The following HS3ST2 variants were observed in gnomAD, a reference collection of about 807,000 sequenced individuals.
HS3ST2 encodes heparan sulfate-glucosamine 3-sulfotransferase 2, also known as heparan sulfate glucosamine 3-O-sulfotransferase 2.
HS3ST2 carries 17 observed loss-of-function variants against 26.3 expected under a neutral mutation model. That is an observed-to-expected ratio of 0.65 (90% CI 0.44 to 0.97). HS3ST2 has a LOEUF of 0.97. HS3ST2 is among the 50% of genes least tolerant of loss of function. HS3ST2 has a pLI of 0.00. For synonymous variants in HS3ST2, 237 were observed against 219.2 expected, an observed-to-expected ratio of 1.08 and a Z score of -0.72; for missense variants, 402 against 501.2, an observed-to-expected ratio of 0.80 and a Z score of 1.89.
intron 1 of HS3ST2, among the ~76,000 whole-genome samples, chr16:22,876,417 C>T (rs527721305): frequency 6.6e-6 from 1 of 152,120 alleles, no homozygotes; most frequent in East Asian, 1.9e-4. Context: ...ATTACTTCTG[C>T]AAGAATAGCC....
chr16:22,857,186 C>G (rs371574787), intron 1 of HS3ST2, among the ~76,000 whole-genome samples: 1 of 152,110 alleles, frequency 6.6e-6, no homozygotes, highest in African/African-American at 2.4e-5. Flanking sequence ...TTTATGATTT[C>G]CTGGTGCTGA....
rs141259911 is a variant in HS3ST2 at position 22,849,581 on chromosome 16, C to T, written c.485+34486C>T. 3.6e-3 allele frequency among the ~76,000 whole-genome samples: 555 copies of T among 152,282 alleles called. 6 individuals are homozygous for T. The highest frequency in any genetic ancestry group is 0.013 in the African/African-American group (532 of 41,560). On this transcript the variant is annotated intron_variant, in intron 1 of 1. Coordinates refer to ENST00000261374, the MANE Select transcript of HS3ST2 (RefSeq NM_006043.2). ...CATGTCCAACAAGTATCAATGTGCT[C>T]ACTGTGGCCCCTCAGGGACCCAGTT...
chr16:22,858,048 G>T (rs554018205), intron 1 of HS3ST2, among the ~76,000 whole-genome samples: 83 of 151,826 alleles, frequency 5.5e-4, no homozygotes, highest in Non-Finnish European at 1.0e-3. Flanking sequence ...GACCCCAAAG[G>T]TAAAAGAATA....
At chr16:22,841,165 G>A (rs1414014560) in intron 1 of HS3ST2, among the ~76,000 whole-genome samples, 2 of 151,998 alleles carry the variant, frequency 1.3e-5, no homozygotes, top group Non-Finnish European at 2.9e-5. Context: ...GGGTTCAAGC[G>A]ATTCTCCTGC....
At chr16:22,861,729 G>A (rs778585128) in intron 1 of HS3ST2, among the ~76,000 whole-genome samples, 1 of 152,112 alleles carries the variant, frequency 6.6e-6, no homozygotes, top group Non-Finnish European at 1.5e-5. Context: ...TGTGGCCTCC[G>A]GCATCTCATG....
At chr16:22,837,912 T>C (rs1258956596) in intron 1 of HS3ST2, among the ~76,000 whole-genome samples, 1 of 152,164 alleles carries the variant, frequency 6.6e-6, no homozygotes, top group Non-Finnish European at 1.5e-5. Context: ...AATTTCATCT[T>C]TTCAATTCTC....
At position 22,915,944 on chromosome 16, in the gene HS3ST2, C is replaced by CA; in HGVS notation, c.*383dup. 5.1e-6 allele frequency: 1 copy of CA among 194,696 alleles called. No homozygotes were observed. The highest frequency in any genetic ancestry group is 1.1e-5 in the Non-Finnish European group (1 of 94,794). The allele number at this position is 194,696 out of a possible 1,614,324, so 12.1% of individuals were successfully genotyped here. A position where few individuals can be genotyped will look rare whatever the true frequency, so the allele number is the denominator to read the frequency against. On this transcript the variant is annotated 3_prime_UTR_variant, in exon 2 of 2. Coordinates refer to ENST00000261374, the MANE Select transcript of HS3ST2 (RefSeq NM_006043.2). ...CAGTCGGTCCCTGTCATTGTCCACCCAGGAGTGGCCTTGTTAATTCCAAGT... is the reference window on the plus strand; with the variant it reads ...CAGTCGGTCCCTGTCATTGTCCACCCAAGGAGTGGCCTTGTTAATTCCAAGT...
At chr16:22,899,838 T>C (rs762783457) in intron 1 of HS3ST2, among the ~76,000 whole-genome samples, 63 of 152,194 alleles carry the variant, frequency 4.1e-4, no homozygotes, top group Non-Finnish European at 8.8e-4. Flanking sequence ...CATGATTTAA[T>C]TACCTCCCAC....
rs1241446707 is a variant in HS3ST2 at position 22,915,418 on chromosome 16, C to T, written c.960C>T (p.Ser320=). Residue 320 remains serine, a synonymous_variant, in exon 2 of 2, where the codon AGC becomes AGT. Coordinates refer to ENST00000261374, the MANE Select transcript of HS3ST2 (RefSeq NM_006043.2). ...CTTGCTTGAAAAAAACAGAATCGAG[C>T]CTCCTGCCTCGATGCTTGGGCAAAT... ...GFPCLKKTES[S]LLPRCLGKSK... The T allele has an allele frequency of 1.2e-6, 2 of 1,613,690 alleles. No homozygotes were observed. Among genetic ancestry groups the T allele is most frequent in the Non-Finnish European group, 8.5e-7 (1 of 1,179,960 alleles).
At position 22,915,204 on chromosome 16, in the gene HS3ST2, G is replaced by A; in HGVS notation, c.746G>A (p.Arg249His). The A allele has an allele frequency of 3.7e-6, 6 of 1,614,056 alleles. No individual in the cohort carries two copies. The highest frequency in any genetic ancestry group is 2.2e-5 in the East Asian group (1 of 44,890). The change falls in exon 2 of 2, where the codon CGC becomes CAC. Residue 249 changes from arginine to histidine, a missense_variant. Arg to His is a conservative substitution (Grantham distance 29). This residue lies in a region of HS3ST2 where 237 missense variants were observed against 346.6 expected (regional missense o/e 0.68). Coordinates refer to ENST00000261374, the MANE Select transcript of HS3ST2 (RefSeq NM_006043.2). ...GLVDVSWNAI[R>H]IGMYVLHLES... is the part of the protein sequence containing the mutation. ...GTGGACGTGTCATGGAACGCCATCC[G>A]CATCGGCATGTACGTGCTGCACCTG...
chr16:22,833,973 CAT>C (rs1777322195), intron 1 of HS3ST2, among the ~76,000 whole-genome samples: 1 of 151,744 alleles, frequency 6.6e-6, no homozygotes, highest in African/African-American at 2.4e-5. Context: ...AAGTAAAAAA[CAT>C]ATTATCTTTT....
Position 22,896,513 on chromosome 16 carries a change from A to T in HS3ST2, c.486-18431A>T, listed in dbSNP as rs529455138. 2.7e-3 allele frequency among the ~76,000 whole-genome samples: 418 copies of T among 152,300 alleles called. 1 individual carries two copies. The highest frequency in any genetic ancestry group is 6.8e-3 in the Middle Eastern group (2 of 294). On this transcript the variant is annotated intron_variant, in intron 1 of 1. Transcript: ENST00000261374. ...TTCTTCAATAACATCAGCAAACTAC[A>T]AGTTGCCTATAACCACTCTGTCTTC...
At chr16:22,866,673 C>T (rs1037644716) in intron 1 of HS3ST2, among the ~76,000 whole-genome samples, 1 of 151,968 alleles carries the variant, frequency 6.6e-6, no homozygotes, top group African/African-American at 2.4e-5. Context: ...AGGTGGCATG[C>T]ACCTGTGGTC....
At chr16:22,901,032 A>G (rs2141204419) in intron 1 of HS3ST2, among the ~76,000 whole-genome samples, 1 of 152,318 alleles carries the variant, frequency 6.6e-6, no homozygotes, top group East Asian at 1.9e-4. Flanking sequence ...GAAATCAAGT[A>G]GAGAAAGAGG....
intron 1 of HS3ST2, among the ~76,000 whole-genome samples, chr16:22,891,650 T>C (rs945959232): frequency 6.6e-6 from 1 of 152,244 alleles, no homozygotes; most frequent in Non-Finnish European, 1.5e-5. Flanking sequence ...TGACGTCTAA[T>C]GACTGAATAT....
intron 1 of HS3ST2, among the ~76,000 whole-genome samples, chr16:22,868,277 C>T (rs560533824): frequency 5.9e-5 from 9 of 151,934 alleles, no homozygotes; most frequent in East Asian, 5.8e-4. Context: ...GGCGTGGTGG[C>T]ATGCACCCGT....
chr16:22,816,983 A>G (rs1332054512), intron 1 of HS3ST2, among the ~76,000 whole-genome samples: 1 of 152,060 alleles, frequency 6.6e-6, no homozygotes, highest in Admixed American at 6.5e-5. Flanking sequence ...ACTAAACAGC[A>G]TACCTCAGGC....
At chr16:22,876,438 A>T (rs561238601) in intron 1 of HS3ST2, among the ~76,000 whole-genome samples, 28 of 152,312 alleles carry the variant, frequency 1.8e-4, no homozygotes, top group East Asian at 5.8e-4. Context: ...ATCATTTTTT[A>T]AAAAAATAAA....
At chr16:22,889,656 C>T (rs1372954854) in intron 1 of HS3ST2, among the ~76,000 whole-genome samples, 1 of 152,160 alleles carries the variant, frequency 6.6e-6, no homozygotes. Context: ...ACCTGAATTG[C>T]TTTCTCCATT....
Sources: allele counts gnomAD v4.1 joint callset (sites outside exome capture counted in the v4.1 genomes callset), GRCh38; gene constraint gnomAD v4.1.1; regional missense constraint gnomAD v4.1.1; transcripts MANE v1.5; gene names NCBI Gene and HGNC (gene_info 2026-07-23, HGNC 2026-07-21).